Variants in LUZP2 observed in about 807,000 individuals in gnomAD.
LUZP2 encodes leucine zipper protein 2.
Under a neutral mutation model 51.6 loss-of-function variants are expected in LUZP2, and 52 were observed. That is an observed-to-expected ratio of 1.01 (90% confidence interval 0.81 to 1.27). The LOEUF is 1.27. Ranked by LOEUF, LUZP2 falls within the 50% of genes most tolerant of loss-of-function variation. LUZP2 has a pLI of 0.00. For missense variants in LUZP2, 436 were observed against 395.4 expected (o/e 1.10, Z -0.87); for synonymous variants, 154 against 137.3 (o/e 1.12, Z -0.85).
chr11:24,759,171 CTTGTTAA>C (rs935925960), intron 4 of LUZP2, among the ~76,000 whole-genome samples: 3 of 152,110 alleles, frequency 2.0e-5, no homozygotes, highest in African/African-American at 7.2e-5. Context: ...TTTCCCTACT[CTTGTTAA>C]TTTTTATGGC....
chr11:25,014,920 T>G (rs1430332906), intron 9 of LUZP2, among the ~76,000 whole-genome samples: 1 of 152,200 alleles, frequency 6.6e-6, no homozygotes, highest in Non-Finnish European at 1.5e-5. Flanking sequence ...CTTGAATTAA[T>G]TTTTGTATAA....
At chr11:24,832,333 AAAAAT>A (rs1471834660) in intron 5 of LUZP2, among the ~76,000 whole-genome samples, 2 of 151,614 alleles carry the variant, frequency 1.3e-5, no homozygotes, top group African/African-American at 4.9e-5. Flanking sequence ...CAAGCAAGAA[AAAAAT>A]AAAATAAAAT....
intron 1 of LUZP2, among the ~76,000 whole-genome samples, chr11:24,658,573 A>G (rs1855901291): frequency 6.6e-6 from 1 of 152,198 alleles, no homozygotes; most frequent in Non-Finnish European, 1.5e-5. Flanking sequence ...AAATTGACAA[A>G]TGGGATCTAA....
chr11:24,835,275 G>A (rs1850829768), intron 5 of LUZP2, among the ~76,000 whole-genome samples: 1 of 152,072 alleles, frequency 6.6e-6, no homozygotes, highest in South Asian at 2.1e-4. Flanking sequence ...ACAGAAACTG[G>A]ACCCTTTCCT....
chr11:24,943,012 G>A (rs974964048), intron 7 of LUZP2, among the ~76,000 whole-genome samples: 2 of 152,154 alleles, frequency 1.3e-5, no homozygotes, highest in Non-Finnish European at 2.9e-5. Context: ...TGATGGTATA[G>A]TAAAATACCC....
chr11:24,819,485 C>T (rs1019614679), intron 5 of LUZP2, among the ~76,000 whole-genome samples: 1 of 152,188 alleles, frequency 6.6e-6, no homozygotes, highest in Non-Finnish European at 1.5e-5. Flanking sequence ...TTAGACGTTT[C>T]TGTTGACGTA....
At chr11:24,676,839 A>T (rs1413229791) in intron 1 of LUZP2, among the ~76,000 whole-genome samples, 2 of 151,744 alleles carry the variant, frequency 1.3e-5, no homozygotes, top group Admixed American at 1.3e-4. Flanking sequence ...AATGTTTTTT[A>T]TATTTTTAGT....
At chr11:24,560,060 A>C (rs112404756) in intron 1 of LUZP2, among the ~76,000 whole-genome samples, 6,559 of 152,164 alleles carry the variant, frequency 0.043, 433 homozygotes, top group African/African-American at 0.15. Flanking sequence ...CCCCCATGGC[A>C]TGTGTATACC....
intron 9 of LUZP2, among the ~76,000 whole-genome samples, chr11:25,001,646 T>G (rs999676228): frequency 6.6e-6 from 1 of 152,176 alleles, no homozygotes; most frequent in East Asian, 1.9e-4. Context: ...TATCCTGGCT[T>G]TTAAAGGAAT....
chr11:24,616,970 G>A (rs754880511), intron 1 of LUZP2, among the ~76,000 whole-genome samples: 14 of 152,088 alleles, frequency 9.2e-5, no homozygotes, highest in African/African-American at 3.1e-4. Flanking sequence ...GAATGTATTC[G>A]GCTTTTGTTA....
At chr11:24,999,067 G>A (rs890713948) in intron 9 of LUZP2, among the ~76,000 whole-genome samples, 6 of 151,964 alleles carry the variant, frequency 3.9e-5, no homozygotes, top group African/African-American at 1.5e-4. Flanking sequence ...GCAACACATG[G>A]TCATTGAGCC....
At chr11:24,960,999 T>G (rs894241188) in intron 7 of LUZP2, among the ~76,000 whole-genome samples, 38 of 152,182 alleles carry the variant, frequency 2.5e-4, no homozygotes, top group Non-Finnish European at 4.4e-4. Flanking sequence ...TTCATTTCGT[T>G]ATGTACCCAG....
At chr11:24,854,252 G>C (rs1851483810) in intron 5 of LUZP2, among the ~76,000 whole-genome samples, 1 of 152,210 alleles carries the variant, frequency 6.6e-6, no homozygotes, top group Admixed American at 6.5e-5. Context: ...TCTGTCCCAG[G>C]GAGATGGAAG....
chr11:24,668,019 G>A (rs1374732583), intron 1 of LUZP2, among the ~76,000 whole-genome samples: 1 of 152,198 alleles, frequency 6.6e-6, no homozygotes, highest in Non-Finnish European at 1.5e-5. Context: ...ATCATCCACA[G>A]GATGGTAAGT....
chr11:24,525,718 A>G lies in LUZP2; in HGVS notation c.62+28413A>G, dbSNP rs148270670. Among the ~76,000 whole-genome samples the G allele has an allele frequency of 6.7e-3, 1,013 of 151,532 alleles. 7 individuals are homozygous for G. Among genetic ancestry groups the G allele is most frequent in the African/African-American group, 0.021 (886 of 41,488 alleles). On this transcript the variant is annotated intron_variant, in intron 1 of 11. Transcript: ENST00000336930. The stretch of plus-strand genomic sequence containing the variant: ...TCTAATATGTTCTCTCTCTATATAT[A>G]TATATACACAGATATACACACACAC...
intron 1 of LUZP2, among the ~76,000 whole-genome samples, chr11:24,540,221 A>C (rs1336178895): frequency 6.6e-6 from 1 of 152,128 alleles, no homozygotes; most frequent in Non-Finnish European, 1.5e-5. Flanking sequence ...ACGACTCTTC[A>C]AATACGTTAG....
chr11:24,590,892 A>G (rs139607446), intron 1 of LUZP2, among the ~76,000 whole-genome samples: 1 of 152,292 alleles, frequency 6.6e-6, no homozygotes, highest in African/African-American at 2.4e-5. Context: ...TCTGACATGT[A>G]AGAAATATTA....
chr11:24,844,805 A>G (rs1274215552), intron 5 of LUZP2, among the ~76,000 whole-genome samples: 1 of 152,216 alleles, frequency 6.6e-6, no homozygotes, highest in Non-Finnish European at 1.5e-5. Context: ...ACAAGCCCCA[A>G]GTCTTGGCAG....
intron 5 of LUZP2, among the ~76,000 whole-genome samples, chr11:24,845,173 G>A (rs2716515): frequency 0.15 from 22,988 of 152,154 alleles, 1,900 homozygotes; most frequent in African/African-American, 0.2. Context: ...ACCCTGTGAA[G>A]CAGAGGTGTG....
Sources: allele counts gnomAD v4.1 joint callset (sites outside exome capture counted in the v4.1 genomes callset), GRCh38; gene constraint gnomAD v4.1.1; transcripts MANE v1.5; gene names NCBI Gene and HGNC (gene_info 2026-07-23, HGNC 2026-07-21).